Variants in FAF1 observed in about 807,000 individuals in gnomAD.
FAF1 encodes the protein FAS-associated factor 1.
A neutral mutation model predicts 92.5 loss-of-function variants in FAF1; 25 were observed. The ratio of observed to expected loss-of-function variants is 0.27; its 90% CI spans 0.20 to 0.38. FAF1 has a LOEUF of 0.38. Among genes scored for constraint, FAF1 ranks in the 10% least tolerant of loss-of-function variants. The pLI, the probability that FAF1 is intolerant of heterozygous loss-of-function variation, is 1.00. For synonymous variants in FAF1, 234 were observed against 273.2 expected, an observed-to-expected ratio of 0.86 and a Z score of 1.42; for missense variants, 636 against 793.3, an observed-to-expected ratio of 0.80 and a Z score of 2.38.
At chr1:50,819,714 T>TAC (rs1267209685) in intron 2 of FAF1, among the ~76,000 whole-genome samples, 5 of 30,660 alleles carry the variant, frequency 1.6e-4, no homozygotes, top group African/African-American at 5.0e-4. Flanking sequence ...CATATATATA[T>TAC]ACGTATATAT....
intron 7 of FAF1, among the ~76,000 whole-genome samples, chr1:50,669,292 TA>T (rs934851377): frequency 1.3e-5 from 2 of 150,210 alleles, no homozygotes; most frequent in African/African-American, 2.4e-5. Context: ...GAGGCTTCCA[TA>T]AAAAAAAAGA....
At chr1:50,603,179 T>G (rs979044377) in intron 8 of FAF1, among the ~76,000 whole-genome samples, 4 of 152,234 alleles carry the variant, frequency 2.6e-5, no homozygotes, top group Non-Finnish European at 5.9e-5. Context: ...ATTACTTTCT[T>G]TGGCTTAATT....
intron 1 of FAF1, among the ~76,000 whole-genome samples, chr1:50,901,935 CT>C (rs1644800253): frequency 6.6e-6 from 1 of 152,186 alleles, no homozygotes; most frequent in African/African-American, 2.4e-5. Context: ...ATAAGCAGAT[CT>C]TTTAGAACAG....
At chr1:50,800,613 C>T (rs1172438928) in intron 3 of FAF1, among the ~76,000 whole-genome samples, 1 of 152,128 alleles carries the variant, frequency 6.6e-6, no homozygotes, top group Admixed American at 6.5e-5. Flanking sequence ...TTTATCATTG[C>T]TTTCATCTAA....
At chr1:50,818,024 T>C (rs546504196) in intron 2 of FAF1, among the ~76,000 whole-genome samples, 1 of 152,252 alleles carries the variant, frequency 6.6e-6, no homozygotes, top group South Asian at 2.1e-4. Flanking sequence ...GATCAAAAAT[T>C]GCTTGAGGTG....
At chr1:50,602,319 T>A (rs1027382583) in intron 8 of FAF1, among the ~76,000 whole-genome samples, 4 of 152,202 alleles carry the variant, frequency 2.6e-5, no homozygotes, top group African/African-American at 9.7e-5. Context: ...GATTTGGGAA[T>A]GCTACCGGAT....
chr1:50,659,865 G>T (rs1483163593), intron 7 of FAF1, among the ~76,000 whole-genome samples: 1 of 152,080 alleles, frequency 6.6e-6, no homozygotes, highest in Non-Finnish European at 1.5e-5. Context: ...TTGCAACTGA[G>T]AAAATATATA....
intron 1 of FAF1, among the ~76,000 whole-genome samples, chr1:50,888,457 T>A (rs1309713326): frequency 6.6e-6 from 1 of 152,176 alleles, no homozygotes; most frequent in Non-Finnish European, 1.5e-5. Flanking sequence ...TAGTGCCAGT[T>A]TTCAAAGGGA....
At chr1:50,816,629 G>A (rs545684177) in intron 2 of FAF1, among the ~76,000 whole-genome samples, 2 of 152,256 alleles carry the variant, frequency 1.3e-5, no homozygotes, top group South Asian at 4.1e-4. Flanking sequence ...CCATTCTGTA[G>A]GTTGTTTGTT....
At chr1:50,621,980 G>C (rs1350199354) in intron 8 of FAF1, among the ~76,000 whole-genome samples, 7 of 151,864 alleles carry the variant, frequency 4.6e-5, no homozygotes, top group Non-Finnish European at 1.0e-4. Flanking sequence ...AGCCTGGCCA[G>C]TATGGTGAAA....
chr1:50,737,912 A>G (rs968362023), intron 6 of FAF1, among the ~76,000 whole-genome samples: 7 of 152,222 alleles, frequency 4.6e-5, no homozygotes, highest in African/African-American at 1.7e-4. Flanking sequence ...TGTATCAACA[A>G]CAGAAAATCT....
At chr1:50,660,638 A>C (rs568704504) in intron 7 of FAF1, among the ~76,000 whole-genome samples, 5 of 151,784 alleles carry the variant, frequency 3.3e-5, no homozygotes, top group African/African-American at 1.2e-4. Context: ...GGATTACAGG[A>C]GTGTGCCACC....
At chr1:50,810,127 T>C (rs1055970157) in intron 2 of FAF1, among the ~76,000 whole-genome samples, 1 of 152,132 alleles carries the variant, frequency 6.6e-6, no homozygotes, top group Non-Finnish European at 1.5e-5. Flanking sequence ...TGGTGGTGCA[T>C]GCCTGTAGTC....
At chr1:50,866,951 A>G (rs998263060) in intron 1 of FAF1, among the ~76,000 whole-genome samples, 1 of 152,200 alleles carries the variant, frequency 6.6e-6, no homozygotes, top group African/African-American at 2.4e-5. Flanking sequence ...CTACAAGGCT[A>G]TGGTCACCAA....
chr1:50,640,317 G>C (rs560206270), intron 8 of FAF1, among the ~76,000 whole-genome samples: 1 of 149,854 alleles, frequency 6.7e-6, no homozygotes, highest in Non-Finnish European at 1.5e-5. Flanking sequence ...TTTTGAGACA[G>C]AGTCTCGCTC....
intron 1 of FAF1, among the ~76,000 whole-genome samples, chr1:50,954,945 G>C (rs888021493): frequency 6.6e-6 from 1 of 152,198 alleles, no homozygotes; most frequent in Non-Finnish European, 1.5e-5. Context: ...GAAGTTCAAA[G>C]GGGCAGTGAT....
At chr1:50,662,720 G>T (rs1177312647) in intron 7 of FAF1, among the ~76,000 whole-genome samples, 1 of 113,768 alleles carries the variant, frequency 8.8e-6, no homozygotes, top group Non-Finnish European at 1.7e-5. Context: ...TTTTGAGACG[G>T]AGTCTCCCTC....
chr1:50,751,179 A>G (rs1356978473), intron 4 of FAF1, among the ~76,000 whole-genome samples: 2 of 151,742 alleles, frequency 1.3e-5, no homozygotes, highest in African/African-American at 4.8e-5. Flanking sequence ...AACTTAGAGC[A>G]AAGTAGGAAT....
At position 50,441,482 on chromosome 1, in the gene FAF1, C is replaced by T; in HGVS notation, c.1911G>A (p.Lys637=). ...LDPNKSLLEV[K]LFPQETLFLE... The stretch of plus-strand genomic sequence containing the variant: ...GGAAAAGGGTTTCTTGAGGGAACAA[C>T]TTTACCTCCAATAATGATTTATTTG... The change falls in exon 19 of 19, where the codon AAG becomes AAA. Residue 637 remains lysine, a synonymous_variant. Transcript: ENST00000396153. The T allele has an allele frequency of 6.5e-7, 1 of 1,546,196 alleles. No homozygotes were observed. The highest frequency in any genetic ancestry group is 8.8e-7 in the Non-Finnish European group (1 of 1,142,630).
Sources: allele counts gnomAD v4.1 joint callset (sites outside exome capture counted in the v4.1 genomes callset), GRCh38; gene constraint gnomAD v4.1.1; transcripts MANE v1.5; gene names NCBI Gene and HGNC (gene_info 2026-07-23, HGNC 2026-07-21).